PPM1H: variants seen among roughly 807,000 people sequenced by gnomAD.
PPM1H encodes protein phosphatase, Mg2+/Mn2+ dependent 1H, also known as protein phosphatase 1H.
PPM1H carries 27 observed loss-of-function variants against 54.9 expected under a neutral mutation model. The observed-to-expected ratio is 0.49, with a 90% confidence interval of 0.36 to 0.68. The LOEUF (loss-of-function observed/expected upper bound fraction) is 0.68, where lower values mean the gene tolerates loss of function less well. PPM1H is among the 30% of genes least tolerant of loss of function. The pLI is 0.00. For missense variants in PPM1H, 596 were observed against 667.8 expected (o/e 0.89, Z 1.19); for synonymous variants, 305 against 270.8 (o/e 1.13, Z -1.24).
chr12:62,902,538 C>T (rs925548796), intron 1 of PPM1H, among the ~76,000 whole-genome samples: 1 of 152,178 alleles, frequency 6.6e-6, no homozygotes, highest in Admixed American at 6.5e-5. Flanking sequence ...TTCAGCACAG[C>T]CTGATAAGGC....
intron 1 of PPM1H, among the ~76,000 whole-genome samples, chr12:62,898,989 G>A (rs1871079211): frequency 6.6e-6 from 1 of 152,116 alleles, no homozygotes; most frequent in Non-Finnish European, 1.5e-5. Flanking sequence ...AGTGGTTAGG[G>A]GATGTTGATC....
At chr12:62,661,477 T>G (rs551218301) in intron 9 of PPM1H, among the ~76,000 whole-genome samples, 4 of 152,350 alleles carry the variant, frequency 2.6e-5, no homozygotes, top group South Asian at 4.1e-4. Flanking sequence ...CTCGGCTCAC[T>G]GCAACCTCGA....
At chr12:62,693,883 G>T (rs984859492) in intron 7 of PPM1H, 53 bp downstream of exon 7, 8 of 1,531,250 alleles carry the variant, frequency 5.2e-6, no homozygotes, top group Non-Finnish European at 6.3e-6. Context: ...TATGTGGAGC[G>T]AAGGCGGGAC....
chr12:62,662,451 T>C (rs1250096884), intron 9 of PPM1H, among the ~76,000 whole-genome samples: 1 of 152,250 alleles, frequency 6.6e-6, no homozygotes, highest in Non-Finnish European at 1.5e-5. Flanking sequence ...ACAGATGGTC[T>C]ACCTTCACGT....
intron 5 of PPM1H, among the ~76,000 whole-genome samples, chr12:62,724,139 TC>T (rs1334730995): frequency 1.5e-4 from 23 of 152,360 alleles, no homozygotes; most frequent in African/African-American, 4.6e-4. Context: ...AGATCTTTTG[TC>T]CTTTGATCAA....
chr12:62,710,138 T>C (rs1346682340), intron 6 of PPM1H, among the ~76,000 whole-genome samples: 1 of 151,988 alleles, frequency 6.6e-6, no homozygotes, highest in Non-Finnish European at 1.5e-5. Context: ...TCCTATATGA[T>C]GAAATCCTTC....
chr12:62,930,236 A>G (rs926916485), intron 1 of PPM1H, among the ~76,000 whole-genome samples: 4 of 152,162 alleles, frequency 2.6e-5, no homozygotes, highest in African/African-American at 9.7e-5. Context: ...AAATTTCATA[A>G]TTTTCAACTC....
intron 8 of PPM1H, among the ~76,000 whole-genome samples, chr12:62,671,335 T>A (rs932891621): frequency 1.3e-5 from 2 of 151,984 alleles, no homozygotes; most frequent in Admixed American, 6.6e-5. Context: ...CGGGTTCCCA[T>A]CCACCAAGAA....
At chr12:62,840,458 C>A (rs933086945) in intron 1 of PPM1H, among the ~76,000 whole-genome samples, 4 of 152,226 alleles carry the variant, frequency 2.6e-5, no homozygotes, top group African/African-American at 9.6e-5. Flanking sequence ...ACAAAAACTA[C>A]AATTTGCTTG....
chr12:62,661,038 G>A (rs539894082), intron 9 of PPM1H, among the ~76,000 whole-genome samples: 1 of 152,056 alleles, frequency 6.6e-6, no homozygotes, highest in Non-Finnish European at 1.5e-5. Context: ...ATGAGATCAT[G>A]GGCCCCTGCT....
chr12:62,673,715 C>CTTTTTTTT (rs567775927), intron 8 of PPM1H, among the ~76,000 whole-genome samples: 943 of 41,940 alleles, frequency 0.022, 245 homozygotes, highest in East Asian at 0.048. Context: ...AAGAGCCACT[C>CTTTTTTTT]TTTTTTTTTT....
intron 9 of PPM1H, among the ~76,000 whole-genome samples, chr12:62,657,838 T>G (rs1391350124): frequency 1.3e-5 from 2 of 152,194 alleles, no homozygotes; most frequent in Non-Finnish European, 2.9e-5. Flanking sequence ...TTTCACTGAT[T>G]AATCTCTTCC....
In PPM1H at chr12:62,644,915, T is replaced by G. The variant is rs1027176683; in HGVS notation, c.*3574A>C. ...CTTTCTCCAAGTGTCCCAGAAGCAC[T>G]AACTTACTGAAAATAGAATCTCATC... is the stretch of plus-strand genomic sequence containing the variant. On this transcript the variant is annotated 3_prime_UTR_variant, in exon 10 of 10. Coordinates refer to ENST00000228705, the MANE Select transcript of PPM1H (RefSeq NM_020700.2). 6.6e-6 allele frequency: 1 copy of G among 152,216 alleles called. No individual in the cohort carries two copies. Among genetic ancestry groups the G allele is most frequent in the African/African-American group, 2.4e-5 (1 of 41,454 alleles). 9.4% of individuals were successfully genotyped at this position (152,216 alleles called of 1,614,324 possible).
chr12:62,835,007 A>G (rs1868459922), intron 1 of PPM1H, among the ~76,000 whole-genome samples: 1 of 152,154 alleles, frequency 6.6e-6, no homozygotes. Context: ...TCATCCGTAC[A>G]AGATCCTGGA....
At chr12:62,683,717 G>C (rs1226047062) in intron 8 of PPM1H, among the ~76,000 whole-genome samples, 1 of 152,218 alleles carries the variant, frequency 6.6e-6, no homozygotes, top group East Asian at 1.9e-4. Context: ...GAGAGAGCTG[G>C]CTCCGCAAAC....
At chr12:62,699,841 T>A (rs1197166679) in intron 6 of PPM1H, among the ~76,000 whole-genome samples, 1 of 152,220 alleles carries the variant, frequency 6.6e-6, no homozygotes, top group Non-Finnish European at 1.5e-5. Context: ...TCACCCAATC[T>A]AGGAACCTTA....
intron 1 of PPM1H, among the ~76,000 whole-genome samples, chr12:62,855,119 G>C (rs1375023556): frequency 6.6e-6 from 1 of 152,156 alleles, no homozygotes; most frequent in Non-Finnish European, 1.5e-5. Flanking sequence ...CCCAGTAATA[G>C]TAGAATAATA....
chr12:62,860,858 C>T (rs117549987), intron 1 of PPM1H, among the ~76,000 whole-genome samples: 1,593 of 152,302 alleles, frequency 0.01, 16 homozygotes, highest in South Asian at 0.029. Context: ...GTTGGATGAA[C>T]ATGGCTTAAC....
chr12:62,880,178 CCT>C (rs1436879531), intron 1 of PPM1H, among the ~76,000 whole-genome samples: 1 of 152,138 alleles, frequency 6.6e-6, no homozygotes, highest in Admixed American at 6.5e-5. Flanking sequence ...CACATAAATA[CCT>C]CTCTGATATA....
Sources: gnomAD v4.1 joint callset for allele counts (sites outside exome capture counted in the v4.1 genomes callset) on GRCh38, gnomAD v4.1.1 for gene constraint, MANE v1.5 for transcripts, NCBI Gene and HGNC (gene_info 2026-07-23, HGNC 2026-07-21) for gene names.